CNTN3: variants seen among roughly 807,000 people sequenced by gnomAD.
The protein encoded by CNTN3 is contactin 3.
CNTN3 carries 60 observed loss-of-function variants against 119.1 expected under a neutral mutation model. The ratio of observed to expected loss-of-function variants is 0.50; its 90% CI spans 0.41 to 0.62. The LOEUF is 0.62. Ranked by LOEUF, CNTN3 falls within the 20% of genes least tolerant of loss-of-function variation. CNTN3 has a pLI of 0.00. For synonymous variants in CNTN3, 450 were observed against 438.7 expected, an observed-to-expected ratio of 1.03 and a Z score of -0.32; for missense variants, 1,101 against 1,242.4, an observed-to-expected ratio of 0.89 and a Z score of 1.71.
intron 13 of CNTN3, among the ~76,000 whole-genome samples, chr3:74,332,037 A>C (rs1703275958): frequency 6.6e-6 from 1 of 152,206 alleles, no homozygotes; most frequent in African/African-American, 2.4e-5. Flanking sequence ...TGTATTTTCT[A>C]TAACCTGAAC....
At chr3:74,295,079 C>T in intron 19 of CNTN3, 42 bp downstream of exon 19, 5 of 1,285,354 alleles carry the variant, frequency 3.9e-6, no homozygotes, top group Non-Finnish European at 5.6e-6. Flanking sequence ...GACAAAGTGG[C>T]ACGGTAACAC....
chr3:74,377,144 GAATA>G (rs1322866684), intron 5 of CNTN3, among the ~76,000 whole-genome samples: 1 of 151,998 alleles, frequency 6.6e-6, no homozygotes, highest in Non-Finnish European at 1.5e-5. Context: ...AATTTGCATT[GAATA>G]GAGTTGTACA....
At chr3:74,381,397 A>G (rs1704621099) in intron 5 of CNTN3, among the ~76,000 whole-genome samples, 1 of 152,176 alleles carries the variant, frequency 6.6e-6, no homozygotes, top group Admixed American at 6.5e-5. Context: ...TGACAAAAAA[A>G]TGCCCCTAGA....
chr3:74,357,945 C>T (rs1236092776), intron 11 of CNTN3, among the ~76,000 whole-genome samples: 1 of 151,948 alleles, frequency 6.6e-6, no homozygotes, highest in African/African-American at 2.4e-5. Context: ...ATAAATCTAC[C>T]ATTTAATGTG....
At chr3:74,492,625 G>T (rs2107060976) in intron 3 of CNTN3, among the ~76,000 whole-genome samples, 1 of 152,276 alleles carries the variant, frequency 6.6e-6, no homozygotes, top group South Asian at 2.1e-4. Context: ...AAAACTGGTA[G>T]TTATTACTCC....
In CNTN3 at chr3:74,285,375, A is replaced by G. The variant is rs761347932; in HGVS notation, c.2634T>C (p.Ala878=). 19 of 1,613,860 alleles carry G rather than the reference A, an allele frequency of 1.2e-5. No individual in the cohort carries two copies. In the Admixed American group the frequency reaches 3.2e-4, roughly 27 times the overall value. Reference sequence around the variant, plus strand: ...CGCCGGCACTGTTGTAAGCCCGGACAGCCGTGTAATAGGCCAGGTTGCTCT... The same window carrying G: ...CGCCGGCACTGTTGTAAGCCCGGACGGCCGTGTAATAGGCCAGGTTGCTCT... ...GLKSNLAYYT[A]VRAYNSAGAG... is the part of the protein sequence containing the mutation. Residue 878 remains alanine (A), a synonymous_variant, in exon 20 of 23, where the codon GCT becomes GCC. Transcript: ENST00000263665.
At chr3:74,397,508 T>TTC (rs71129743) in intron 5 of CNTN3, among the ~76,000 whole-genome samples, 9 of 150,350 alleles carry the variant, frequency 6.0e-5, no homozygotes, top group East Asian at 2.0e-4. Flanking sequence ...CCAACTGGTG[T>TTC]TCTCTCTCTC....
At position 74,592,997 on chromosome 3, in the gene CNTN3, G is replaced by A. The variant is rs372937500; in HGVS notation, c.-81+21394C>T. Reference sequence around the variant, plus strand: ...ATAGTTTTAAAATAAACTTAGCTTTGTAAAATATAAACGAATATGCAAATT... The same window carrying A: ...ATAGTTTTAAAATAAACTTAGCTTTATAAAATATAAACGAATATGCAAATT... On this transcript the variant is annotated intron_variant, in intron 1 of 22. Coordinates refer to ENST00000263665, the MANE Select transcript of CNTN3 (RefSeq NM_020872.3). Among the ~76,000 whole-genome samples, 67 of 151,970 alleles carry A rather than the reference G, an allele frequency of 4.4e-4. No homozygotes were observed. The East Asian group carries it at 9.9e-3, about 23-fold the overall frequency.
intron 3 of CNTN3, among the ~76,000 whole-genome samples, chr3:74,489,038 A>T (rs1702912181): frequency 6.6e-6 from 1 of 152,138 alleles, no homozygotes; most frequent in South Asian, 2.1e-4. Context: ...ATCTTATTCC[A>T]TCCCAAGTCC....
At chr3:74,473,572 T>C (rs1044574986) in intron 4 of CNTN3, among the ~76,000 whole-genome samples, 12 of 152,354 alleles carry the variant, frequency 7.9e-5, no homozygotes, top group African/African-American at 2.6e-4. Context: ...TGAACAAATA[T>C]TGAATGAGCA....
At chr3:74,524,076 G>T (rs9814206) in intron 1 of CNTN3, among the ~76,000 whole-genome samples, 140,168 of 151,912 alleles carry the variant, frequency 0.92, 65,204 homozygotes, top group Non-Finnish European at 0.98. Flanking sequence ...TGGCCACCAT[G>T]TGAAAATTGT....
At chr3:74,380,463 C>T (rs566709482) in intron 5 of CNTN3, among the ~76,000 whole-genome samples, 1 of 152,166 alleles carries the variant, frequency 6.6e-6, no homozygotes, top group Non-Finnish European at 1.5e-5. Flanking sequence ...CAGTTCAGTC[C>T]TGGAGAAGAT....
chr3:74,329,749 T>C (rs1703216399), intron 13 of CNTN3, among the ~76,000 whole-genome samples: 1 of 152,214 alleles, frequency 6.6e-6, no homozygotes, highest in Admixed American at 6.5e-5. Context: ...GAAACAAAGA[T>C]GTTCTACAGG....
At chr3:74,555,154 G>A (rs1345011484) in intron 1 of CNTN3, among the ~76,000 whole-genome samples, 1 of 152,174 alleles carries the variant, frequency 6.6e-6, no homozygotes, top group Non-Finnish European at 1.5e-5. Flanking sequence ...GGCCTTTTCT[G>A]CATCTATTGA....
chr3:74,536,363 T>C (rs542663510), intron 1 of CNTN3, among the ~76,000 whole-genome samples: 56 of 152,244 alleles, frequency 3.7e-4, no homozygotes, highest in Middle Eastern at 3.4e-3. Flanking sequence ...AGGAAGGTAT[T>C]TGTAACTACT....
intron 2 of CNTN3, among the ~76,000 whole-genome samples, chr3:74,508,692 C>T (rs1352423604): frequency 2.6e-5 from 4 of 152,108 alleles, no homozygotes; most frequent in Non-Finnish European, 5.9e-5. Flanking sequence ...TCTATTCCAT[C>T]TGATGTGCTT....
At chr3:74,555,700 A>T (rs1704058646) in intron 1 of CNTN3, among the ~76,000 whole-genome samples, 1 of 152,226 alleles carries the variant, frequency 6.6e-6, no homozygotes, top group South Asian at 2.1e-4. Flanking sequence ...TCATTTGCAC[A>T]GAGGTGTTTA....
intron 19 of CNTN3, 86 bp from the exon 20 acceptor site, chr3:74,285,577 C>T (rs978390714): frequency 7.5e-7 from 1 of 1,326,050 alleles, no homozygotes; most frequent in Non-Finnish European, 1.0e-6. Context: ...TGGGCACTGA[C>T]TTATTTCCTG....
intron 1 of CNTN3, among the ~76,000 whole-genome samples, chr3:74,586,000 C>A (rs898435053): frequency 2.0e-5 from 3 of 152,080 alleles, no homozygotes; most frequent in African/African-American, 7.2e-5. Flanking sequence ...AGAATACCAA[C>A]CCACTGGGAT....
Sources: gnomAD v4.1 joint callset for allele counts (sites outside exome capture counted in the v4.1 genomes callset) on GRCh38, gnomAD v4.1.1 for gene constraint, MANE v1.5 for transcripts, NCBI Gene and HGNC (gene_info 2026-07-23, HGNC 2026-07-21) for gene names.